RPTOR: variants seen among roughly 807,000 people sequenced by gnomAD.
The protein encoded by RPTOR is regulatory-associated protein of mTOR.
Under a neutral mutation model 169.9 loss-of-function variants are expected in RPTOR, and 21 were observed. That is an observed-to-expected ratio of 0.12 (90% CI 0.09 to 0.18). The LOEUF is 0.18. Among genes scored for constraint, RPTOR ranks in the 10% least tolerant of loss-of-function variants. The pLI is 1.00. For synonymous variants in RPTOR, 732 were observed against 753.2 expected, an observed-to-expected ratio of 0.97 and a Z score of 0.46; for missense variants, 1,133 against 1,855.9, an observed-to-expected ratio of 0.61 and a Z score of 7.16.
chr17:80,618,465 C>T (rs540149060), intron 1 of RPTOR, among the ~76,000 whole-genome samples: 2 of 152,274 alleles, frequency 1.3e-5, no homozygotes, highest in African/African-American at 2.4e-5. Context: ...ATACCAAGTC[C>T]CTTGTGCAGT....
chr17:80,779,375 G>A (rs963763957), intron 6 of RPTOR, among the ~76,000 whole-genome samples: 1 of 152,230 alleles, frequency 6.6e-6, no homozygotes, highest in Non-Finnish European at 1.5e-5. Flanking sequence ...TGAAAGTGTG[G>A]CGCCTCCGTG....
rs909742074 is a variant in RPTOR at position 80,696,694 on chromosome 17, C to T, written c.349-11147C>T. Reference sequence around the variant, plus strand: ...CTTGGCCTCTTTGCTGGACTTGCAGCAGGGATGCCGCCGAACTCAGCCGTT... The same window carrying T: ...CTTGGCCTCTTTGCTGGACTTGCAGTAGGGATGCCGCCGAACTCAGCCGTT... On this transcript the variant is annotated intron_variant, in intron 3 of 33. Coordinates refer to ENST00000306801, the MANE Select transcript of RPTOR (RefSeq NM_020761.3). Among the ~76,000 whole-genome samples the T allele has an allele frequency of 6.6e-5, 10 of 152,328 alleles. 1 individual carries two copies. The highest frequency in any genetic ancestry group is 1.3e-4 in the Non-Finnish European group (9 of 68,030).
At chr17:80,548,785 T>A (rs2084310283) in intron 1 of RPTOR, among the ~76,000 whole-genome samples, 1 of 152,164 alleles carries the variant, frequency 6.6e-6, no homozygotes, top group Non-Finnish European at 1.5e-5. Flanking sequence ...TGGAGCAGCA[T>A]GTTTGTAAAG....
chr17:80,567,476 C>T (rs1353311947), intron 1 of RPTOR, among the ~76,000 whole-genome samples: 4 of 151,998 alleles, frequency 2.6e-5, no homozygotes, highest in Admixed American at 2.6e-4. Flanking sequence ...CATTTTAAAC[C>T]CCACAGTACA....
intron 1 of RPTOR, among the ~76,000 whole-genome samples, chr17:80,620,208 CTT>C (rs770612568): frequency 1.1e-4 from 16 of 152,276 alleles, no homozygotes; most frequent in Middle Eastern, 3.4e-3. Context: ...AAATGATACT[CTT>C]TTCAAATTCA....
At chr17:80,955,974 G>A (rs2069243297) in intron 28 of RPTOR, among the ~76,000 whole-genome samples, 1 of 152,248 alleles carries the variant, frequency 6.6e-6, no homozygotes, top group African/African-American at 2.4e-5. Context: ...AACCAGAGCT[G>A]TGTGTCTTGG....
At chr17:80,921,253 G>C (rs1163454147) in intron 21 of RPTOR, among the ~76,000 whole-genome samples, 1 of 152,226 alleles carries the variant, frequency 6.6e-6, no homozygotes, top group African/African-American at 2.4e-5. Context: ...GCGCAGCCTG[G>C]GATGGGCCGG....
In RPTOR at chr17:80,896,310, C is replaced by T. The variant is rs112997437; in HGVS notation, c.2401+2445C>T. Among the ~76,000 whole-genome samples, 986 of 151,532 alleles carry T rather than the reference C, an allele frequency of 6.5e-3. 15 individuals carry two copies. The highest frequency in any genetic ancestry group is 0.022 in the African/African-American group (928 of 41,404). ...AGTCCTTAGGGTCTGAGTGGGGGCT[C>T]CATTCTTAGCAGCACCCATCCCATC... On this transcript the variant is annotated intron_variant, in intron 20 of 33. Transcript: ENST00000306801.
At chr17:80,879,429 T>C (rs2068160373) in intron 13 of RPTOR, among the ~76,000 whole-genome samples, 1 of 137,272 alleles carries the variant, frequency 7.3e-6, no homozygotes. Context: ...CCCTGCCCCT[T>C]TCTCCTCCCA....
chr17:80,608,703 C>T (rs9895896), intron 1 of RPTOR, among the ~76,000 whole-genome samples: 4,231 of 152,200 alleles, frequency 0.028, 189 homozygotes, highest in African/African-American at 0.096. Flanking sequence ...CCAGCATGTT[C>T]GGGGCACTTT....
At chr17:80,596,681 G>A (rs1599587298) in intron 1 of RPTOR, among the ~76,000 whole-genome samples, 1 of 152,150 alleles carries the variant, frequency 6.6e-6, no homozygotes, top group East Asian at 1.9e-4. Context: ...AAAACCTGAT[G>A]CAATTTTAAT....
At chr17:80,549,088 C>T (rs1019669363) in intron 1 of RPTOR, among the ~76,000 whole-genome samples, 8 of 152,144 alleles carry the variant, frequency 5.3e-5, no homozygotes, top group East Asian at 1.9e-4. Flanking sequence ...AGCCCTTGCC[C>T]GCTCTCAGTT....
intron 7 of RPTOR, among the ~76,000 whole-genome samples, chr17:80,799,606 G>T (rs534709502): frequency 6.6e-6 from 1 of 152,188 alleles, no homozygotes; most frequent in Non-Finnish European, 1.5e-5. Flanking sequence ...GACGAGTCAC[G>T]TGACGCAAGG....
At chr17:80,884,198 A>G (rs534067191) in intron 16 of RPTOR, among the ~76,000 whole-genome samples, 37 of 152,314 alleles carry the variant, frequency 2.4e-4, no homozygotes, top group African/African-American at 8.7e-4. Context: ...CACAGCTGCA[A>G]GCGGGGGTCC....
chr17:80,906,829 ACAAT>A (rs1370020354), intron 20 of RPTOR, among the ~76,000 whole-genome samples: 1 of 151,400 alleles, frequency 6.6e-6, no homozygotes, highest in African/African-American at 2.4e-5. Context: ...AGTCCTGGAG[ACAAT>A]CACTCACTGC....
chr17:80,862,988 G>C (rs550821925), intron 13 of RPTOR, among the ~76,000 whole-genome samples: 99 of 152,342 alleles, frequency 6.5e-4, no homozygotes, highest in Non-Finnish European at 1.2e-3. Flanking sequence ...CCAGCGGAAG[G>C]GCGAGCCTGG....
In RPTOR at chr17:80,707,292, T is replaced by C. The variant is rs4889887; in HGVS notation, c.349-549T>C. 0.25 allele frequency among the ~76,000 whole-genome samples: 38,353 copies of C among 152,210 alleles called. 6,005 individuals are homozygous for C. Among genetic ancestry groups the C allele is most frequent in the Admixed American group, 0.43 (6,522 of 15,294 alleles). On this transcript the variant is annotated intron_variant, in intron 3 of 33. Coordinates refer to ENST00000306801, the MANE Select transcript of RPTOR (RefSeq NM_020761.3). This position sits in a 1 kb window ranked among gnomAD's most constrained non-coding sequence, Gnocchi z 5.0. Reference sequence around the variant, plus strand: ...CCAGTGGCAGCTGCGTTTGCCTTGGTGTTGCCATGTGACAGGCATTACTTG... The same window carrying C: ...CCAGTGGCAGCTGCGTTTGCCTTGGCGTTGCCATGTGACAGGCATTACTTG...
At chr17:80,901,240 A>G (rs1185412844) in intron 20 of RPTOR, among the ~76,000 whole-genome samples, 2 of 151,988 alleles carry the variant, frequency 1.3e-5, no homozygotes, top group Non-Finnish European at 2.9e-5. Context: ...CCCAGACGGG[A>G]AGCACACAGC....
chr17:80,887,609 G>A (rs1433625164), intron 17 of RPTOR, among the ~76,000 whole-genome samples: 1 of 152,166 alleles, frequency 6.6e-6, no homozygotes, highest in African/African-American at 2.4e-5. Flanking sequence ...CCTGCTGTGG[G>A]GCTGGGGTTG....
Sources: gnomAD v4.1 joint callset for allele counts (sites outside exome capture counted in the v4.1 genomes callset) on GRCh38, gnomAD v4.1.1 for gene constraint, Gnocchi (gnomAD v3.1) non-coding constraint, MANE v1.5 for transcripts, NCBI Gene and HGNC (gene_info 2026-07-23, HGNC 2026-07-21) for gene names.